The following ZNF747 variants were observed in gnomAD, a reference collection of about 807,000 sequenced individuals.
The protein encoded by ZNF747 is zinc finger protein 747.
ZNF747 carries 14 observed loss-of-function variants against 13.4 expected under a neutral mutation model. The observed-to-expected ratio is 1.04, with a 90% CI of 0.69 to 1.63. The LOEUF (loss-of-function observed/expected upper bound fraction) is 1.63. Ranked by LOEUF, ZNF747 falls within the 40% of genes most tolerant of loss-of-function variation. The pLI is 0.00. For missense variants in ZNF747, 532 were observed against 477.9 expected (o/e 1.11, Z -1.05); for synonymous variants, 212 against 206.5 (o/e 1.03, Z -0.23).
At chr16:30,533,476 C>A (rs766981965) in intron 2 of ZNF747, among the ~76,000 whole-genome samples, 2 of 152,014 alleles carry the variant, frequency 1.3e-5, no homozygotes, top group African/African-American at 2.4e-5. Flanking sequence ...AGGGCATGGC[C>A]AAGTTCAGTG....
chr16:30,532,199 T>C lies in ZNF747; in HGVS notation c.*300A>G, dbSNP rs2051384381. ...AAGACAACAGAGAAAACAAGGTTCT[T>C]CTCTACCTCAATCCTCTTAGCATCT... On this transcript the variant is annotated 3_prime_UTR_variant, in exon 3 of 3. Coordinates refer to ENST00000693075, the MANE Select transcript of ZNF747 (RefSeq NM_001305018.2). 2 of 504,610 alleles carry C rather than the reference T, an allele frequency of 4.0e-6. No homozygotes were observed. The highest frequency in any genetic ancestry group is 7.0e-6 in the Non-Finnish European group (2 of 285,492). The allele number at this position is 504,610 out of a possible 1,614,324, so 31.3% of individuals were successfully genotyped here. A position where few individuals can be genotyped will look rare whatever the true frequency, so the allele number is the denominator to read the frequency against.
rs374051770 is a variant in ZNF747 at position 30,532,649 on chromosome 16, G to A, written c.846C>T (p.Ala282=). 44 of 1,540,202 alleles carry A rather than the reference G, an allele frequency of 2.9e-5. No homozygotes were observed. The highest frequency in any genetic ancestry group is 3.6e-5 in the Non-Finnish European group (41 of 1,147,296). ...GRCFGLKTGM[A]KHQWVHRPGG... is the part of the protein sequence containing the mutation. Reference sequence around the variant, plus strand: ...CGGGCCGATGGACCCATTGGTGCTTGGCCATGCCGGTCTTCAGGCCGAAGC... The same window carrying A: ...CGGGCCGATGGACCCATTGGTGCTTAGCCATGCCGGTCTTCAGGCCGAAGC... Residue 282 remains alanine, a synonymous_variant, in exon 3 of 3, where the codon GCC becomes GCT. Coordinates refer to ENST00000693075, the MANE Select transcript of ZNF747 (RefSeq NM_001305018.2).
rs367959342 is a variant in ZNF747, at chr16:30,534,536, C to T, written c.144G>A (p.Arg48=). ...CGGGCCGCAGGCAGCCCCACTCCTC[C>T]CGGGAGAAGTACACGGCCACGTCGG... is the stretch of plus-strand genomic sequence containing the variant. ...SFADVAVYFS[R]EEWGCLRPAQ... is the part of the protein sequence containing the mutation. The change falls in exon 1 of 3, where the codon CGG becomes CGA. Residue 48 remains arginine (R), a synonymous_variant. Transcript: ENST00000693075. 2 of 1,609,446 alleles carry T rather than the reference C, an allele frequency of 1.2e-6. No individual in the cohort carries two copies. The highest frequency in any genetic ancestry group is 1.7e-5 in the Admixed American group (1 of 59,612).
rs774081092 is a variant in ZNF747, at chr16:30,534,685, C to G, written c.-6G>C. The stretch of plus-strand genomic sequence containing the variant: ...CCCAGCGACGGATCGGTCATCTCCC[C>G]TGGCCAGGCCTGGGCATGCGGAACC... On this transcript the variant is annotated 5_prime_UTR_variant, in exon 1 of 3. Transcript: ENST00000693075. The G allele has an allele frequency of 1.3e-6, 2 of 1,517,796 alleles. No individual in the cohort carries two copies. The highest frequency in any genetic ancestry group is 2.5e-5 in the South Asian group (2 of 80,984). The allele number at this position is 1,517,796 out of a possible 1,614,324, so 94.0% of individuals were successfully genotyped here.
rs756439947 is a variant in ZNF747, at chr16:30,533,048, T to C, written c.447A>G (p.Gln149=). Residue 149 remains glutamine (Q), a synonymous_variant, in exon 3 of 3, where the codon CAA becomes CAG. Transcript: ENST00000693075. The part of the protein sequence containing the change: ...AAGSPGLKAP[Q]APFAGLEQLS... ...GCTGCTCCAACCCGGCAAAGGGGGC[T>C]TGGGGAGCCTTCAGCCCAGGAGACC... 4 of 1,612,696 alleles carry C rather than the reference T, an allele frequency of 2.5e-6. No individual in the cohort carries two copies. The highest frequency in any genetic ancestry group is 1.3e-5 in the African/African-American group (1 of 74,890).
chr16:30,534,700 C>T lies in ZNF747; in HGVS notation c.-21G>A. On this transcript the variant is annotated 5_prime_UTR_variant, in exon 1 of 3. The change abolishes an upstream ATG in the 5' untranslated region. Transcript: ENST00000693075. ...GTCATCTCCCCTGGCCAGGCCTGGG[C>T]ATGCGGAACCTCCCGCGCCCGAGAA... 6.7e-7 allele frequency: 1 copy of T among 1,495,206 alleles called. No individual in the cohort carries two copies. Among genetic ancestry groups the T allele is most frequent in the Non-Finnish European group, 8.9e-7 (1 of 1,125,500 alleles). The allele number at this position is 1,495,206 out of a possible 1,614,324, so 92.6% of individuals were successfully genotyped here.
chr16:30,534,705 G>A lies in ZNF747; in HGVS notation c.-26C>T. 1 of 1,489,306 alleles carries A rather than the reference G, an allele frequency of 6.7e-7. No homozygotes were observed. The highest frequency in any genetic ancestry group is 8.9e-7 in the Non-Finnish European group (1 of 1,122,782). 92.3% of individuals were successfully genotyped at this position (1,489,306 alleles called of 1,614,324 possible). On this transcript the variant is annotated 5_prime_UTR_variant, in exon 1 of 3. Coordinates refer to ENST00000693075, the MANE Select transcript of ZNF747 (RefSeq NM_001305018.2). ...CTCCCCTGGCCAGGCCTGGGCATGC[G>A]GAACCTCCCGCGCCCGAGAACACTT...
rs1567502414 is a variant in ZNF747 at position 30,532,743 on chromosome 16, G to GCAC, written c.751_752insGTG (p.Thr251delinsSerAla). On this transcript the variant is annotated protein_altering_variant, in exon 3 of 3. Coordinates refer to ENST00000693075, the MANE Select transcript of ZNF747 (RefSeq NM_001305018.2). Reference sequence around the variant, plus strand: ...AACGCGCAGGTGAGAAGTCAGCGCCGTGCGGCGCATGAAGGCCCGACCACA... The same window carrying GCAC: ...AACGCGCAGGTGAGAAGTCAGCGCCGCACTGCGGCGCATGAAGGCCCGACCACA... 6.5e-7 allele frequency: 1 copy of GCAC among 1,542,676 alleles called. No homozygotes were observed. Among genetic ancestry groups the GCAC allele is most frequent in the South Asian group, 1.2e-5 (1 of 84,222 alleles).
rs2051403789 is a variant in ZNF747, at chr16:30,533,105, T to C, written c.390A>G (p.Gly130=). ...CCACAGGGTCGGGCTTCTCCAGGGC[T>C]CCCGTCCCTTCCCTTTGTCTTTCCT... ...KEEERQREGT[G]ALEKPDPVAA... The change falls in exon 3 of 3, where the codon GGA becomes GGG. Residue 130 remains glycine, a synonymous_variant. Transcript: ENST00000693075. 1 of 1,612,490 alleles carries C rather than the reference T, an allele frequency of 6.2e-7. No individual in the cohort carries two copies.
Position 30,532,965 on chromosome 16 carries a change from C to T in ZNF747, c.530G>A (p.Arg177Gln). 3 of 1,603,376 alleles carry T rather than the reference C, an allele frequency of 1.9e-6. No homozygotes were observed. Among genetic ancestry groups the T allele is most frequent in the Non-Finnish European group, 2.5e-6 (3 of 1,177,162 alleles). Residue 177 changes from arginine (R) to glutamine (Q), a missense_variant, in exon 3 of 3, where the codon CGA becomes CAA. Transcript: ENST00000693075. ...PRFFAHPPVP[R>Q]ADQRHGCYVC... is the part of the protein sequence containing the mutation. ...GTAGCAGCCGTGACGCTGGTCAGCT[C>T]GGGGGACAGGGGGGTGGGCAAAAAA...
Position 30,534,300 on chromosome 16 carries a change from G to C in ZNF747, c.240C>G (p.Gly80=), listed in dbSNP as rs1015390934. ...YGHLGALGVG[G]SKPALISWVE... is the part of the protein sequence containing the mutation. ...CCCAGGAGATGAGCGCCGGCTTGCT[G>C]CCTCCGACTCCTGGGGGAGAAGAAC... The change falls in exon 2 of 3, where the codon GGC becomes GGG. Residue 80 remains glycine (G), a synonymous_variant. Coordinates refer to ENST00000693075, the MANE Select transcript of ZNF747 (RefSeq NM_001305018.2). 1.3e-6 allele frequency: 2 copies of C among 1,577,026 alleles called. No individual in the cohort carries two copies. The highest frequency in any genetic ancestry group is 2.7e-5 in the African/African-American group (2 of 73,728).
Position 30,533,129 on chromosome 16 carries a change from C to T in ZNF747, c.366G>A (p.Glu122=), listed in dbSNP as rs2151218695. 1 of 1,612,374 alleles carries T rather than the reference C, an allele frequency of 6.2e-7. No homozygotes were observed. The highest frequency in any genetic ancestry group is 2.2e-5 in the East Asian group (1 of 44,888). ...CTCCCGTCCCTTCCCTTTGTCTTTC[C>T]TCTTCCTTGTTTCTGGAATCTGCTG... ...ADPADSRNKE[E]ERQREGTGAL... The change falls in exon 3 of 3, where the codon GAG becomes GAA. Residue 122 remains glutamate (E), a synonymous_variant. Coordinates refer to ENST00000693075, the MANE Select transcript of ZNF747 (RefSeq NM_001305018.2).
In ZNF747 at chr16:30,532,600, G is replaced by T. The variant is rs1203419358; in HGVS notation, c.895C>A (p.Arg299Ser). The T allele has an allele frequency of 1.9e-6, 3 of 1,560,374 alleles. No individual in the cohort carries two copies. Among genetic ancestry groups the T allele is most frequent in the African/African-American group, 1.4e-5 (1 of 73,462 alleles). The change falls in exon 3 of 3, where the codon CGC (arginine) becomes AGC (serine). Residue 299 changes from arginine (R) to serine (S), a missense_variant. By Grantham distance (110) the Arg-to-Ser change is moderately radical. Transcript: ENST00000693075. ...AGGGTCACAGACAGCCCCCCAGGGC[G>T]CCGGCCCCTACGCCCCTCGCCCCCG... ...RPGGEGRRGR[R>S]PGGLSVTLTP...
At position 30,531,200 on chromosome 16, in the gene ZNF747, A is replaced by C. The variant is rs2051368730; in HGVS notation, c.*1299T>G. ...AAAACACTAAAAGCAAGCCATGATG[A>C]ATGGCTACTCATGCTTGGTCAGGAG... On this transcript the variant is annotated 3_prime_UTR_variant, in exon 3 of 3. Transcript: ENST00000693075. The C allele has an allele frequency of 1.3e-5, 2 of 152,248 alleles. No homozygotes were observed. Among genetic ancestry groups the C allele is most frequent in the South Asian group, 4.1e-4 (2 of 4,826 alleles). The allele number at this position is 152,248 out of a possible 1,614,324, so 9.4% of individuals were successfully genotyped here.
Position 30,534,662 on chromosome 16 carries a change from C to T in ZNF747, c.18G>A (p.Leu6=), listed in dbSNP as rs1310069078. Residue 6 remains leucine (L), a synonymous_variant, in exon 1 of 3, where the codon CTG becomes CTA. Coordinates refer to ENST00000693075, the MANE Select transcript of ZNF747 (RefSeq NM_001305018.2). ...GCGGCGCCATGGGGACTGTCAGCCC[C>T]AGCGACGGATCGGTCATCTCCCCTG... MTDPS[L]GLTVPMAPPL... The T allele has an allele frequency of 6.4e-7, 1 of 1,552,812 alleles. No homozygotes were observed. Among genetic ancestry groups the T allele is most frequent in the Non-Finnish European group, 8.7e-7 (1 of 1,154,784 alleles).
intron 1 of ZNF747, 52 bp from the exon 2 acceptor site, chr16:30,534,362 C>A: frequency 6.4e-7 from 1 of 1,555,230 alleles, no homozygotes. Flanking sequence ...CCTGCCCGGC[C>A]CCGGGGCCCC....
chr16:30,533,794 C>T (rs2051414363), intron 2 of ZNF747, among the ~76,000 whole-genome samples: 1 of 150,390 alleles, frequency 6.6e-6, no homozygotes, highest in Non-Finnish European at 1.5e-5. Context: ...TGGCGAGTGC[C>T]TTTACAGTGT....
At chr16:30,533,190 C>T (rs1305707544) in intron 2 of ZNF747, 39 bp from the exon 3 acceptor site, 8 of 1,611,366 alleles carry the variant, frequency 5.0e-6, no homozygotes, top group South Asian at 1.1e-5. Context: ...CTTGGCTCAT[C>T]CTGGTCATTG....
At chr16:30,534,377 T>G in intron 1 of ZNF747, 67 bp from the exon 2 acceptor site, 1 of 1,555,258 alleles carries the variant, frequency 6.4e-7, no homozygotes, top group Non-Finnish European at 8.7e-7. Context: ...GGCCCCCAAC[T>G]CCACACGCAG....
Sources: allele counts gnomAD v4.1 joint callset (sites outside exome capture counted in the v4.1 genomes callset), GRCh38; gene constraint gnomAD v4.1.1; transcripts MANE v1.5; gene names NCBI Gene and HGNC (gene_info 2026-07-23, HGNC 2026-07-21).